STX5: variants seen among roughly 807,000 people sequenced by gnomAD.
STX5 encodes the protein syntaxin 5, also known as syntaxin-5.
Under a neutral mutation model 42.9 loss-of-function variants are expected in STX5, and 15 were observed. That is an observed-to-expected ratio of 0.35 (90% confidence interval 0.23 to 0.54). The LOEUF (loss-of-function observed/expected upper bound fraction) is 0.54, where lower values mean the gene tolerates loss of function less well. Ranked by LOEUF, STX5 falls within the 20% of genes least tolerant of loss-of-function variation. STX5 has a pLI of 0.91. For synonymous variants in STX5, 184 were observed against 173.2 expected (o/e 1.06, Z -0.49); for missense variants, 430 against 455.0 (o/e 0.95, Z 0.50).
At chr11:62,831,580 G>A (rs1288674627) in intron 1 of STX5, among the ~76,000 whole-genome samples, 2 of 152,136 alleles carry the variant, frequency 1.3e-5, no homozygotes, top group East Asian at 3.9e-4. Flanking sequence ...ACTGCCCCGG[G>A]CCCTAACCCA....
chr11:62,810,925 T>G (rs759335358), intron 10 of STX5, among the ~76,000 whole-genome samples: 44 of 152,380 alleles, frequency 2.9e-4, no homozygotes, highest in Non-Finnish European at 5.7e-4. Context: ...CTGAAAATAC[T>G]GGCACTGATC....
At chr11:62,813,856 T>C (rs1459320906) in intron 10 of STX5, among the ~76,000 whole-genome samples, 2 of 152,150 alleles carry the variant, frequency 1.3e-5, no homozygotes, top group East Asian at 3.8e-4. Flanking sequence ...TATCGCCAGC[T>C]CCTCTTAGAG....
intron 1 of STX5, 24 bp from the exon 2 acceptor site, chr11:62,831,286 T>C: frequency 2.0e-6 from 3 of 1,491,502 alleles, no homozygotes; most frequent in Non-Finnish European, 2.7e-6. Flanking sequence ...GAGAGTGTCA[T>C]TCCCCAGGCA....
chr11:62,814,739 C>T (rs2084654853), intron 10 of STX5, among the ~76,000 whole-genome samples: 1 of 151,740 alleles, frequency 6.6e-6, no homozygotes, highest in Non-Finnish European at 1.5e-5. Flanking sequence ...GATTTTCCTG[C>T]ATGCGCCACC....
intron 10 of STX5, among the ~76,000 whole-genome samples, chr11:62,818,614 G>C (rs1029100724): frequency 1.3e-5 from 2 of 148,908 alleles, no homozygotes; most frequent in Admixed American, 6.7e-5. Context: ...CACATTGGGA[G>C]GTCAAGGTGG....
chr11:62,831,419 G>A (rs1332231549), intron 1 of STX5, among the ~76,000 whole-genome samples, 157 bp from the exon 2 acceptor site: 5 of 151,896 alleles, frequency 3.3e-5, no homozygotes, highest in African/African-American at 1.2e-4. Context: ...GCAGCGGAAA[G>A]GGCCCCGCTT....
intron 2 of STX5, 39 bp downstream of exon 2, chr11:62,830,980 T>C: frequency 6.6e-7 from 1 of 1,511,124 alleles, no homozygotes; most frequent in Non-Finnish European, 9.0e-7. Context: ...TAGATTTGAG[T>C]AAGGCTCACT....
At chr11:62,818,281 G>T (rs922067667) in intron 10 of STX5, among the ~76,000 whole-genome samples, 1 of 150,646 alleles carries the variant, frequency 6.6e-6, no homozygotes, top group Admixed American at 6.6e-5. Flanking sequence ...ATAGGGCCAG[G>T]TGCTGTGGCT....
intron 10 of STX5, among the ~76,000 whole-genome samples, chr11:62,819,177 T>G (rs11231234): frequency 8.3e-6 from 1 of 120,644 alleles, no homozygotes; most frequent in Non-Finnish European, 1.6e-5. Context: ...GCCGAGATCG[T>G]GCCACTGTAC....
chr11:62,822,569 T>C (rs1287638776), intron 10 of STX5, among the ~76,000 whole-genome samples: 1 of 152,130 alleles, frequency 6.6e-6, no homozygotes, highest in South Asian at 2.1e-4. Flanking sequence ...CCAGGGTCTA[T>C]GTAGCTAATT....
intron 10 of STX5, among the ~76,000 whole-genome samples, chr11:62,811,532 A>C (rs2134809590): frequency 6.6e-6 from 1 of 152,078 alleles, no homozygotes; most frequent in South Asian, 2.1e-4. Flanking sequence ...TTTTTTCCTC[A>C]CATGGAACAG....
At chr11:62,830,379 T>C in intron 2 of STX5, 1 of 367,834 alleles carries the variant, frequency 2.7e-6, no homozygotes, top group Non-Finnish European at 5.4e-6. Flanking sequence ...AGTGAGACAC[T>C]GCCTGTACGA....
At chr11:62,809,118 C>G (rs11231226) in intron 10 of STX5, among the ~76,000 whole-genome samples, 10,665 of 151,450 alleles carry the variant, frequency 0.07, 398 homozygotes, top group East Asian at 0.14. Flanking sequence ...GAAACACTGT[C>G]TCTACTAAAA....
At chr11:62,811,612 C>A (rs1375971537) in intron 10 of STX5, among the ~76,000 whole-genome samples, 1 of 152,080 alleles carries the variant, frequency 6.6e-6, no homozygotes, top group Admixed American at 6.6e-5. Flanking sequence ...TGGGAAGGCC[C>A]CTTGGCCCCA....
intron 10 of STX5, among the ~76,000 whole-genome samples, chr11:62,814,352 G>A (rs982027651): frequency 1.3e-5 from 2 of 152,030 alleles, no homozygotes; most frequent in South Asian, 2.1e-4. Context: ...GGCAGAGATG[G>A]GTTTCACCAT....
At position 62,831,071 on chromosome 11, in the gene STX5, C is replaced by CA; in HGVS notation, c.172_173insT (p.Arg58LeufsTer25). 1 of 1,554,906 alleles carries CA rather than the reference C, an allele frequency of 6.4e-7. No individual in the cohort carries two copies. On this transcript the variant is annotated frameshift_variant, in exon 2 of 11. Coordinates refer to ENST00000294179, the MANE Select transcript of STX5 (RefSeq NM_003164.5). LOFTEE classifies it high-confidence loss of function. ...AGACAGAAACTCCTGGGTCCGATCC[C>CA]GGCAGGACATGGTGTCGGGAGGGGG...
Position 62,831,047 on chromosome 11 carries a change from G to T in STX5, c.197C>A (p.Ser66Tyr), listed in dbSNP as rs1296162824. The T allele has an allele frequency of 2.6e-6, 4 of 1,554,422 alleles. No individual in the cohort carries two copies. The highest frequency in any genetic ancestry group is 3.5e-6 in the Non-Finnish European group (4 of 1,149,510). Residue 66 changes from serine to tyrosine, a missense_variant, in exon 2 of 11, where the codon TCT becomes TAT. Ser to Tyr is a moderately radical substitution (Grantham distance 144, BLOSUM62 -2). Coordinates refer to ENST00000294179, the MANE Select transcript of STX5 (RefSeq NM_003164.5). ...SCRDRTQEFL[S>Y]ACKSLQTRQN... Reference sequence around the variant, plus strand: ...ACGGGTCTGCAGCGACTTGCAGGCAGACAGAAACTCCTGGGTCCGATCCCG... The same window carrying T: ...ACGGGTCTGCAGCGACTTGCAGGCATACAGAAACTCCTGGGTCCGATCCCG...
intron 1 of STX5, among the ~76,000 whole-genome samples, 183 bp from the exon 2 acceptor site, chr11:62,831,445 T>C (rs998859712): frequency 6.6e-6 from 1 of 152,110 alleles, no homozygotes; most frequent in Admixed American, 6.5e-5. Flanking sequence ...CTGTCCCAAG[T>C]CGAACCCGCT....
chr11:62,817,802 C>T (rs898978268), intron 10 of STX5, among the ~76,000 whole-genome samples: 5 of 152,040 alleles, frequency 3.3e-5, no homozygotes, highest in African/African-American at 1.2e-4. Context: ...ATGGGCTTAA[C>T]AGCAGATTGA....
Sources: allele counts gnomAD v4.1 joint callset (sites outside exome capture counted in the v4.1 genomes callset), GRCh38; gene constraint gnomAD v4.1.1; transcripts MANE v1.5; gene names NCBI Gene and HGNC (gene_info 2026-07-23, HGNC 2026-07-21).